Variants in KIAA1671 observed in about 807,000 individuals in gnomAD.
KIAA1671 encodes uncharacterized protein KIAA1671.
Under a neutral mutation model 131.2 loss-of-function variants are expected in KIAA1671, and 52 were observed. That is an observed-to-expected ratio of 0.40 (90% CI 0.32 to 0.50). KIAA1671 has a LOEUF of 0.50. KIAA1671 is among the 20% of genes least tolerant of loss of function. The probability of loss-of-function intolerance (pLI) is 0.73; values close to 1 mark genes in which losing one functional copy is unlikely to be tolerated. For synonymous variants in KIAA1671, 1,003 were observed against 961.6 expected, an observed-to-expected ratio of 1.04 and a Z score of -0.80; for missense variants, 2,360 against 2,364.2, an observed-to-expected ratio of 1.00 and a Z score of 0.04.
At chr22:24,964,467 G>T (rs1922189296) in intron 1 of KIAA1671, among the ~76,000 whole-genome samples, 1 of 151,850 alleles carries the variant, frequency 6.6e-6, no homozygotes, top group African/African-American at 2.4e-5. Context: ...TGTCACCCAG[G>T]CTGGGGTCCA....
At chr22:25,099,772 C>T (rs951690886) in intron 6 of KIAA1671, among the ~76,000 whole-genome samples, 8 of 152,038 alleles carry the variant, frequency 5.3e-5, no homozygotes, top group African/African-American at 1.9e-4. Flanking sequence ...CTCGGCCTCC[C>T]GAGGTACTGG....
intron 6 of KIAA1671, among the ~76,000 whole-genome samples, chr22:25,149,763 TAG>T (rs973845510): frequency 1.3e-4 from 20 of 152,138 alleles, no homozygotes; most frequent in African/African-American, 4.6e-4. Context: ...GTACAGCAGG[TAG>T]AGTGTTAATC....
intron 6 of KIAA1671, among the ~76,000 whole-genome samples, chr22:25,081,089 A>G (rs1194635647): frequency 6.6e-6 from 1 of 152,178 alleles, no homozygotes; most frequent in Admixed American, 6.5e-5. Context: ...CGTAAATGCA[A>G]GGCAGAAGCT....
At chr22:24,989,121 G>A (rs1229476535) in intron 1 of KIAA1671, among the ~76,000 whole-genome samples, 1 of 152,172 alleles carries the variant, frequency 6.6e-6, no homozygotes, top group Non-Finnish European at 1.5e-5. Flanking sequence ...CTGGTTTCAT[G>A]TCGAGGGTGA....
intron 6 of KIAA1671, chr22:25,111,072 G>A (rs527607601): frequency 6.6e-6 from 1 of 152,526 alleles, no homozygotes; most frequent in African/African-American, 2.4e-5. Context: ...AGGGAGGAGA[G>A]CGAGGCTGAG....
intron 4 of KIAA1671, 110 bp from the exon 5 acceptor site, chr22:25,038,650 A>C: frequency 1.8e-6 from 2 of 1,122,034 alleles, no homozygotes; most frequent in Non-Finnish European, 1.2e-6. Context: ...ATTTTATGGT[A>C]TTTCATTGTT....
At chr22:25,168,312 C>T (rs1265708410) in intron 6 of KIAA1671, among the ~76,000 whole-genome samples, 1 of 152,202 alleles carries the variant, frequency 6.6e-6, no homozygotes, top group Non-Finnish European at 1.5e-5. Context: ...CGCCCAGTTC[C>T]CCGGTGCCTA....
At chr22:24,993,001 C>G (rs1923929689) in intron 1 of KIAA1671, among the ~76,000 whole-genome samples, 1 of 151,872 alleles carries the variant, frequency 6.6e-6, no homozygotes, top group South Asian at 2.1e-4. Context: ...AGTCTGCGCA[C>G]TGTGGACTAC....
In KIAA1671 at chr22:25,039,397, C is replaced by T. The variant is rs1007859611; in HGVS notation, c.2267C>T (p.Ala756Val). The T allele has an allele frequency of 7.1e-6, 11 of 1,551,672 alleles. No homozygotes were observed. The highest frequency in any genetic ancestry group is 3.3e-4 in the Middle Eastern group (2 of 6,014). Residue 756 changes from alanine to valine, a missense_variant, in exon 5 of 13, where the codon GCG becomes GTG. Physicochemically the swap from Ala to Val is moderately conservative, Grantham distance 64. Around this residue, in one of 3 missense-constraint regions of KIAA1671, gnomAD observed 1,185 missense variants for 1,126.2 expected, o/e 1.05. Transcript: ENST00000358431. Reference sequence around the variant, plus strand: ...ATCTCACCGGCACCGGAGGAGAAAGCGGTCACGCTCCGCAGCCTCAGGTCT... The same window carrying T: ...ATCTCACCGGCACCGGAGGAGAAAGTGGTCACGCTCCGCAGCCTCAGGTCT... ...EAISPAPEEKAVTLRSLRSWL... is the reference protein window; with the variant it reads ...EAISPAPEEKVVTLRSLRSWL...
In KIAA1671 at chr22:25,077,093, C is replaced by T. The variant is rs75187672; in HGVS notation, c.4530+27729C>T. Among the ~76,000 whole-genome samples the T allele has an allele frequency of 2.6e-3, 399 of 152,270 alleles. 1 individual carries two copies. The highest frequency in any genetic ancestry group is 9.0e-3 in the African/African-American group (374 of 41,538). ...GGCCCATGGTGTTGAAGCAACTTCC[C>T]AGCCTACAGGAAAGCTTTCTATGCA... On this transcript the variant is annotated intron_variant, in intron 6 of 12. Transcript: ENST00000358431.
At chr22:25,033,574 GTTT>G (rs71191019) in intron 4 of KIAA1671, among the ~76,000 whole-genome samples, 1 of 58,420 alleles carries the variant, frequency 1.7e-5, no homozygotes, top group Non-Finnish European at 2.9e-5. Context: ...GTTTGTTTTC[GTTT>G]TTTTTTTTTT....
Position 25,177,428 on chromosome 22 carries a change from C to T in KIAA1671, c.4980C>T (p.Ser1660=), listed in dbSNP as rs1477197587. The T allele has an allele frequency of 1.9e-6, 3 of 1,551,768 alleles. 1 individual carries two copies. In the South Asian group the frequency reaches 3.6e-5, roughly 18 times the overall value. Residue 1660 remains serine, a synonymous_variant, in exon 9 of 13, where the codon TCC becomes TCT. Transcript: ENST00000358431. Reference sequence around the variant, plus strand: ...GAAGCCGCCGCCGGGCCCCCATCTCCCACTCCCTCCGGCGCAGCCGATTTA... The same window carrying T: ...GAAGCCGCCGCCGGGCCCCCATCTCTCACTCCCTCCGGCGCAGCCGATTTA... The part of the protein sequence containing the change: ...SKRSRRRAPI[S]HSLRRSRFSE...
chr22:25,165,006 T>C (rs1192445318), intron 6 of KIAA1671, among the ~76,000 whole-genome samples: 1 of 148,374 alleles, frequency 6.7e-6, no homozygotes, highest in Non-Finnish European at 1.5e-5. Context: ...TGTGTGTGTG[T>C]GTGTGTGTGT....
intron 1 of KIAA1671, chr22:25,024,712 A>G (rs1365236765): frequency 6.6e-6 from 1 of 152,152 alleles, no homozygotes; most frequent in African/African-American, 2.4e-5. Flanking sequence ...CTCAGCAATG[A>G]TTTATTTCTC....
intron 6 of KIAA1671, among the ~76,000 whole-genome samples, chr22:25,097,060 T>C (rs1930425909): frequency 6.6e-6 from 1 of 152,236 alleles, no homozygotes; most frequent in Non-Finnish European, 1.5e-5. Context: ...CTATTATGAA[T>C]GAAGCTGCTA....
At chr22:25,146,771 C>G (rs1196637629) in intron 6 of KIAA1671, among the ~76,000 whole-genome samples, 2 of 152,212 alleles carry the variant, frequency 1.3e-5, no homozygotes, top group Non-Finnish European at 2.9e-5. Flanking sequence ...AATGCACTCA[C>G]CAAAGGATCT....
At chr22:25,001,195 GTGTGTA>G (rs1209836874) in intron 1 of KIAA1671, among the ~76,000 whole-genome samples, 1 of 149,798 alleles carries the variant, frequency 6.7e-6, no homozygotes, top group Admixed American at 6.7e-5. Context: ...GTGTATATAT[GTGTGTA>G]TGTGTATGTA....
intron 5 of KIAA1671, among the ~76,000 whole-genome samples, chr22:25,048,691 T>A (rs929612700): frequency 6.6e-6 from 1 of 152,182 alleles, no homozygotes; most frequent in African/African-American, 2.4e-5. Context: ...CTGGAGGTGC[T>A]GTGCTGTTCA....
chr22:25,181,592 G>A lies in KIAA1671; in HGVS notation c.5075-107G>A, dbSNP rs190167502. 8.4e-5 allele frequency: 115 copies of A among 1,371,374 alleles called. No individual in the cohort carries two copies. The East Asian group carries it at 2.8e-3, about 33-fold the overall frequency. The allele number at this position is 1,371,374 out of a possible 1,614,324, so 85.0% of individuals were successfully genotyped here. A position where few individuals can be genotyped will look rare whatever the true frequency, so the allele number is the denominator to read the frequency against. On this transcript the variant is annotated intron_variant, in intron 9 of 12. Coordinates refer to ENST00000358431, the MANE Select transcript of KIAA1671 (RefSeq NM_001145206.2). ...AATGGGCCATAGCGTCTTCTGTGCA[G>A]GTCTGATGTGAGCATTGCATGAGAT...
Sources: allele counts gnomAD v4.1 joint callset (sites outside exome capture counted in the v4.1 genomes callset), GRCh38; gene constraint gnomAD v4.1.1; regional missense constraint gnomAD v4.1.1; transcripts MANE v1.5; gene names NCBI Gene and HGNC (gene_info 2026-07-23, HGNC 2026-07-21).